WWOX: variants seen among roughly 807,000 people sequenced by gnomAD.
WWOX encodes WW domain-containing oxidoreductase.
A neutral mutation model predicts 46.2 loss-of-function variants in WWOX; 69 were observed. The observed-to-expected ratio is 1.49, with a 90% CI of 1.23 to 1.82. The LOEUF (loss-of-function observed/expected upper bound fraction) is 1.82. WWOX is among the 40% of genes most tolerant of loss of function. WWOX has a pLI of 0.00. For missense variants in WWOX, 919 were observed against 542.6 expected, an observed-to-expected ratio of 1.69 and a Z score of -6.89; for synonymous variants, 359 against 202.6, an observed-to-expected ratio of 1.77 and a Z score of -6.56.
chr16:78,956,789 G>C (rs577750524), intron 8 of WWOX, among the ~76,000 whole-genome samples: 1 of 152,138 alleles, frequency 6.6e-6, no homozygotes, highest in South Asian at 2.1e-4. Context: ...ACCTGTAGGG[G>C]AAACAAAGAG....
At chr16:78,711,269 C>G (rs1024024379) in intron 8 of WWOX, among the ~76,000 whole-genome samples, 2 of 152,084 alleles carry the variant, frequency 1.3e-5, no homozygotes, top group African/African-American at 4.8e-5. Flanking sequence ...TGTATATATA[C>G]GTTAAAAAAT....
chr16:78,501,811 T>G (rs1358487562), intron 8 of WWOX, among the ~76,000 whole-genome samples: 1 of 152,130 alleles, frequency 6.6e-6, no homozygotes, highest in Non-Finnish European at 1.5e-5. Flanking sequence ...TGCTGGAATC[T>G]GAGAAGTTAC....
chr16:78,905,082 C>G (rs1597131617), intron 8 of WWOX, among the ~76,000 whole-genome samples: 1 of 152,084 alleles, frequency 6.6e-6, no homozygotes, highest in Non-Finnish European at 1.5e-5. Flanking sequence ...GACTTGTATT[C>G]TTGGGGTCAC....
intron 8 of WWOX, among the ~76,000 whole-genome samples, chr16:79,137,584 T>TAACAGACA (rs2050006994): frequency 1.3e-5 from 2 of 152,152 alleles, no homozygotes; most frequent in African/African-American, 4.8e-5. Flanking sequence ...TGTTAGCTGT[T>TAACAGACA]TGTTTTGAAC....
chr16:79,071,362 G>T (rs1481528093), intron 8 of WWOX, among the ~76,000 whole-genome samples: 2 of 152,194 alleles, frequency 1.3e-5, no homozygotes, highest in African/African-American at 4.8e-5. Context: ...AGCCAGAAAA[G>T]CTTTTCAACC....
chr16:79,085,255 A>G (rs2048833411), intron 8 of WWOX, among the ~76,000 whole-genome samples: 1 of 151,994 alleles, frequency 6.6e-6, no homozygotes, highest in Non-Finnish European at 1.5e-5. Flanking sequence ...TCTCTTTCCA[A>G]ACCACCTTCT....
chr16:78,426,231 C>CGAGGGAGG (rs1326602730), intron 7 of WWOX, among the ~76,000 whole-genome samples: 3 of 152,108 alleles, frequency 2.0e-5, no homozygotes, highest in Non-Finnish European at 4.4e-5. Flanking sequence ...AGTGGAGTGG[C>CGAGGGAGG]CCTGTTAAGG....
intron 8 of WWOX, among the ~76,000 whole-genome samples, chr16:78,594,886 A>G (rs1280266574): frequency 6.6e-6 from 1 of 152,210 alleles, no homozygotes; most frequent in Non-Finnish European, 1.5e-5. Context: ...ATAGCAGCCT[A>G]TGCATATTGC....
At chr16:78,159,952 GTCTC>G (rs1186119795) in intron 4 of WWOX, among the ~76,000 whole-genome samples, 3 of 151,420 alleles carry the variant, frequency 2.0e-5, no homozygotes, top group Non-Finnish European at 2.9e-5. Flanking sequence ...TTCTGTCTCT[GTCTC>G]TCTCTCTGTC....
intron 8 of WWOX, among the ~76,000 whole-genome samples, chr16:78,953,710 G>A (rs2046109046): frequency 6.6e-6 from 1 of 152,154 alleles, no homozygotes; most frequent in African/African-American, 2.4e-5. Flanking sequence ...GTGCATGCAT[G>A]AATGGATAAA....
intron 8 of WWOX, among the ~76,000 whole-genome samples, chr16:78,522,370 C>T (rs913265675): frequency 6.6e-6 from 1 of 152,138 alleles, no homozygotes; most frequent in African/African-American, 2.4e-5. Context: ...GTTTCTGAGG[C>T]CAAGCCTTTT....
chr16:78,467,554 T>G (rs1231018988), intron 8 of WWOX, among the ~76,000 whole-genome samples: 1 of 152,236 alleles, frequency 6.6e-6, no homozygotes, highest in African/African-American at 2.4e-5. Context: ...TAATGTCTCT[T>G]GAATGGTCTT....
intron 5 of WWOX, among the ~76,000 whole-genome samples, chr16:78,204,682 TC>T (rs1567426208): frequency 6.6e-6 from 1 of 152,160 alleles, no homozygotes; most frequent in East Asian, 1.9e-4. Flanking sequence ...TCTGTTGCCA[TC>T]TGCATCATGG....
intron 8 of WWOX, among the ~76,000 whole-genome samples, chr16:78,932,465 C>T (rs550405638): frequency 3.9e-4 from 59 of 152,274 alleles, no homozygotes; most frequent in Admixed American, 5.2e-4. Flanking sequence ...ATGTGCACAC[C>T]GACAGCCACA....
chr16:78,345,363 T>G lies in WWOX; in HGVS notation c.517-41497T>G, dbSNP rs1468758283. ...AGGCTAGACATGCTGGCTCATACCT[T>G]TAATCCCAGCACTTTGCGAGGCCAA... On this transcript the variant is annotated intron_variant, in intron 5 of 8. Transcript: ENST00000566780. 4.7e-5 allele frequency among the ~76,000 whole-genome samples: 5 copies of G among 105,306 alleles called. No individual in the cohort carries two copies. The East Asian group carries it at 8.1e-4, about 17-fold the overall frequency. The allele number at this position is 105,306 out of a possible 152,430, so 69.1% of individuals were successfully genotyped here.
At chr16:78,716,284 G>A (rs1488657666) in intron 8 of WWOX, among the ~76,000 whole-genome samples, 1 of 152,024 alleles carries the variant, frequency 6.6e-6, no homozygotes, top group Non-Finnish European at 1.5e-5. Context: ...AGCTCCTGAA[G>A]GCAGGAAGCA....
At chr16:78,359,236 A>T (rs2081359763) in intron 5 of WWOX, among the ~76,000 whole-genome samples, 1 of 152,194 alleles carries the variant, frequency 6.6e-6, no homozygotes, top group African/African-American at 2.4e-5. Flanking sequence ...TGATAACACA[A>T]AGAAGGCCTG....
At chr16:78,901,133 G>C (rs79869812) in intron 8 of WWOX, among the ~76,000 whole-genome samples, 3,354 of 152,290 alleles carry the variant, frequency 0.022, 114 homozygotes, top group Admixed American at 0.087. Context: ...CTGGGATTCA[G>C]AGTCCATTTT....
chr16:78,391,262 A>T, intron 6 of WWOX, among the ~76,000 whole-genome samples: 1 of 152,216 alleles, frequency 6.6e-6, no homozygotes, highest in East Asian at 1.9e-4. Context: ...AATAGCTGCT[A>T]GGCAACTTGT....
Sources: allele counts gnomAD v4.1 joint callset (sites outside exome capture counted in the v4.1 genomes callset), GRCh38; gene constraint gnomAD v4.1.1; transcripts MANE v1.5; gene names NCBI Gene and HGNC (gene_info 2026-07-23, HGNC 2026-07-21).